Variants in PPARGC1A observed in about 807,000 individuals in gnomAD.
PPARGC1A encodes the protein PPARG coactivator 1 alpha, also known as peroxisome proliferator-activated receptor gamma coactivator 1-alpha.
A neutral mutation model predicts 88.7 loss-of-function variants in PPARGC1A; 25 were observed. That is an observed-to-expected ratio of 0.28 (90% CI 0.21 to 0.39). The LOEUF (loss-of-function observed/expected upper bound fraction) is 0.39, where lower values mean the gene tolerates loss of function less well. Among genes scored for constraint, PPARGC1A ranks in the 10% least tolerant of loss-of-function variants. PPARGC1A has a pLI of 1.00. For synonymous variants in PPARGC1A, 363 were observed against 355.6 expected (o/e 1.02, Z -0.24); for missense variants, 880 against 968.7 (o/e 0.91, Z 1.22).
At chr4:24,009,751 C>T in the PPARGC1A span, among the ~76,000 whole-genome samples, 2 of 152,184 alleles carry the variant, frequency 1.3e-5, no homozygotes, top group African/African-American at 2.4e-5. Context: ...GTGGCAACTT[C>T]CCACAAACAG....
At chr4:24,190,697 T>C in the PPARGC1A span, among the ~76,000 whole-genome samples, 1 of 152,134 alleles carries the variant, frequency 6.6e-6, no homozygotes. Context: ...GCCATGTAGT[T>C]AGTTTGTGCC....
the PPARGC1A span, among the ~76,000 whole-genome samples, chr4:24,055,643 C>T: frequency 0.39 from 59,257 of 152,094 alleles, 11,667 homozygotes; most frequent in Middle Eastern, 0.44. Context: ...GAAAAGTAAG[C>T]TGTTCATTTT....
At chr4:23,813,239 C>T (rs1433263947) in intron 8 of PPARGC1A, 114 bp from the exon 9 acceptor site, 9 of 867,714 alleles carry the variant, frequency 1.0e-5, no homozygotes, top group Non-Finnish European at 1.7e-5. Context: ...GCTTTTTCTT[C>T]CCAGCTACTA....
At chr4:24,128,580 G>GTGTGTGTA in the PPARGC1A span, among the ~76,000 whole-genome samples, 1 of 145,926 alleles carries the variant, frequency 6.9e-6, no homozygotes, top group Admixed American at 6.9e-5. Context: ...GTGTGTGTGT[G>GTGTGTGTA]CACGCGCATC....
chr4:23,948,629 T>C, the PPARGC1A span, among the ~76,000 whole-genome samples: 2 of 152,160 alleles, frequency 1.3e-5, no homozygotes, highest in African/African-American at 4.8e-5. Context: ...AGCGAGCTCA[T>C]TGTCCTTGCC....
the PPARGC1A span, among the ~76,000 whole-genome samples, chr4:23,971,145 T>C: frequency 0.15 from 22,309 of 152,174 alleles, 2,275 homozygotes; most frequent in Admixed American, 0.29. Context: ...CATGGTTTCA[T>C]ATGTATATAC....
the PPARGC1A span, among the ~76,000 whole-genome samples, chr4:23,953,407 T>C: frequency 1.3e-5 from 2 of 152,140 alleles, no homozygotes; most frequent in Non-Finnish European, 2.9e-5. Context: ...TATTACTATG[T>C]TACAGAAACA....
At chr4:24,222,150 T>C in the PPARGC1A span, among the ~76,000 whole-genome samples, 2 of 152,196 alleles carry the variant, frequency 1.3e-5, no homozygotes, top group African/African-American at 4.8e-5. Flanking sequence ...AAAAATGTGC[T>C]TTCAGTTGTC....
chr4:23,912,432 T>TTAA, the PPARGC1A span, among the ~76,000 whole-genome samples: 1 of 152,192 alleles, frequency 6.6e-6, no homozygotes, highest in Non-Finnish European at 1.5e-5. Flanking sequence ...TTCTTAATCA[T>TTAA]GTGTGTCAAT....
At chr4:23,838,241 T>C (rs1220863244) in intron 2 of PPARGC1A, among the ~76,000 whole-genome samples, 6 of 152,122 alleles carry the variant, frequency 3.9e-5, no homozygotes, top group African/African-American at 1.2e-4. Context: ...ATCTCTGCAA[T>C]CCACTGTGGG....
the PPARGC1A span, among the ~76,000 whole-genome samples, chr4:24,121,596 A>G: frequency 6.6e-6 from 1 of 152,198 alleles, no homozygotes; most frequent in East Asian, 1.9e-4. Context: ...CAGCCTCCAC[A>G]CTTTCTGAAC....
chr4:24,343,469 G>C, the PPARGC1A span, among the ~76,000 whole-genome samples: 1 of 152,098 alleles, frequency 6.6e-6, no homozygotes, highest in Non-Finnish European at 1.5e-5. Context: ...CAGCAACAAG[G>C]CATCATTTTG....
At chr4:24,296,248 T>C in the PPARGC1A span, among the ~76,000 whole-genome samples, 1 of 151,280 alleles carries the variant, frequency 6.6e-6, no homozygotes, top group Non-Finnish European at 1.5e-5. Flanking sequence ...CCAGTTGAAT[T>C]TTAATGCCAA....
the PPARGC1A span, among the ~76,000 whole-genome samples, chr4:24,074,335 T>C: frequency 6.6e-6 from 1 of 152,164 alleles, no homozygotes; most frequent in East Asian, 1.9e-4. Flanking sequence ...TGAATGGGAA[T>C]AATTATACTT....
rs146256421 is a variant in PPARGC1A, at chr4:23,814,441, C to T, written c.1042G>A (p.Gly348Arg). The T allele has an allele frequency of 3.3e-5, 53 of 1,613,544 alleles. No individual in the cohort carries two copies. Among genetic ancestry groups the T allele is most frequent in the Non-Finnish European group, 4.1e-5 (48 of 1,179,876 alleles). Residue 348 changes from glycine to arginine, a missense_variant, in exon 8 of 13, where the codon GGG (glycine) becomes AGG (arginine). By Grantham distance (125) the Gly-to-Arg change is moderately radical. Transcript: ENST00000264867. ...GCATACAACTCGGATTGCTCCGGCC[C>T]TTTCTTGGTGGAGTTATTGCCTTGT... is the stretch of plus-strand genomic sequence containing the variant. Reference protein sequence around the residue: ...GTQGNNSTKKGPEQSELYAQL... With the variant: ...GTQGNNSTKKRPEQSELYAQL...
intron 2 of PPARGC1A, among the ~76,000 whole-genome samples, chr4:23,836,268 A>G (rs1725991459): frequency 6.6e-6 from 1 of 152,168 alleles, no homozygotes; most frequent in Admixed American, 6.5e-5. Context: ...GGCGGAAGGA[A>G]AGGTAGAAAA....
chr4:23,943,332 A>G, the PPARGC1A span, among the ~76,000 whole-genome samples: 1 of 152,108 alleles, frequency 6.6e-6, no homozygotes, highest in Non-Finnish European at 1.5e-5. Context: ...CATGAGTGCA[A>G]ATAGGTTTTG....
At chr4:24,221,693 AG>A in the PPARGC1A span, among the ~76,000 whole-genome samples, 9 of 152,136 alleles carry the variant, frequency 5.9e-5, no homozygotes, top group African/African-American at 2.2e-4. Context: ...GGATCACTTG[AG>A]GCCAGGAGTT....
intron 1 of PPARGC1A, among the ~76,000 whole-genome samples, chr4:23,886,997 G>A (rs1717029328): frequency 6.6e-6 from 1 of 152,054 alleles, no homozygotes; most frequent in African/African-American, 2.4e-5. Flanking sequence ...TGCTAAAGTA[G>A]CATACTGATT....
Sources: gnomAD v4.1 joint callset for allele counts (sites outside exome capture counted in the v4.1 genomes callset) on GRCh38, gnomAD v4.1.1 for gene constraint, MANE v1.5 for transcripts, NCBI Gene and HGNC (gene_info 2026-07-23, HGNC 2026-07-21) for gene names.